Variants in PIAS1 observed in about 807,000 individuals in gnomAD.
The protein encoded by PIAS1 is protein inhibitor of activated STAT 1.
A neutral mutation model predicts 71.3 loss-of-function variants in PIAS1; 6 were observed. That is an observed-to-expected ratio of 0.08 (90% confidence interval 0.05 to 0.17). PIAS1 has a LOEUF of 0.17. Ranked by LOEUF, PIAS1 falls within the 10% of genes least tolerant of loss-of-function variation. PIAS1 has a pLI of 1.00. For missense variants in PIAS1, 555 were observed against 793.6 expected (o/e 0.70, Z 3.61); for synonymous variants, 303 against 292.9 (o/e 1.03, Z -0.35).
chr15:68,071,426 A>C (rs1305721366), intron 1 of PIAS1, among the ~76,000 whole-genome samples: 1 of 150,670 alleles, frequency 6.6e-6, no homozygotes, highest in Non-Finnish European at 1.5e-5. Context: ...CATGTTGGCC[A>C]GGCTGGTCTT....
chr15:68,102,377 T>C (rs563957750), intron 2 of PIAS1, among the ~76,000 whole-genome samples: 1 of 152,362 alleles, frequency 6.6e-6, no homozygotes, highest in South Asian at 2.1e-4. Context: ...ATGTAATAAG[T>C]CATAAAATTA....
intron 2 of PIAS1, among the ~76,000 whole-genome samples, chr15:68,106,826 A>G (rs926268873): frequency 4.6e-5 from 7 of 152,222 alleles, no homozygotes; most frequent in Admixed American, 2.6e-4. Context: ...ATCGATTACA[A>G]TAGTGTTCCA....
intron 2 of PIAS1, among the ~76,000 whole-genome samples, chr15:68,106,351 C>CAAA (rs11313083): frequency 8.6e-5 from 8 of 92,856 alleles, no homozygotes; most frequent in East Asian, 3.3e-4. Flanking sequence ...ATGACCTTTG[C>CAAA]AAAAAAAAAA....
Position 68,173,728 on chromosome 15 carries a change from A to G in PIAS1, c.1009-4A>G. The G allele has an allele frequency of 6.6e-7, 1 of 1,516,642 alleles. No individual in the cohort carries two copies. The allele number at this position is 1,516,642 out of a possible 1,614,324, so 93.9% of individuals were successfully genotyped here. ...TAATATTTACTTTTTCTCCCTTTTT[A>G]AAGCTTGGTAAAATGCGGCTGACAA... On this transcript the variant is annotated splice_region_variant and splice_polypyrimidine_tract_variant and intron_variant, in intron 8 of 13. Coordinates refer to ENST00000249636, the MANE Select transcript of PIAS1 (RefSeq NM_016166.3). The surrounding 1 kb of genome is among the most constrained non-coding windows in gnomAD (Gnocchi z 4.3).
At chr15:68,146,977 A>G (rs527359170) in intron 6 of PIAS1, among the ~76,000 whole-genome samples, 3 of 152,302 alleles carry the variant, frequency 2.0e-5, no homozygotes, top group South Asian at 4.1e-4. Context: ...TCATATTCCA[A>G]TATGAGTATG....
chr15:68,082,511 CAA>C (rs2092238518), intron 1 of PIAS1, among the ~76,000 whole-genome samples: 1 of 151,932 alleles, frequency 6.6e-6, no homozygotes, highest in Non-Finnish European at 1.5e-5. Context: ...GAAACCTAAG[CAA>C]ATGGAAAAAT....
rs900385545 is a variant in PIAS1 at position 68,100,300 on chromosome 15, A to G, written c.469+13550A>G. On this transcript the variant is annotated intron_variant, in intron 2 of 13. Transcript: ENST00000249636. ...TTCAGATTTTATTAGTTGTATTTGCAGTCATGTGTATTTGTAGCTCTGTGC... is the reference window on the plus strand; with the variant it reads ...TTCAGATTTTATTAGTTGTATTTGCGGTCATGTGTATTTGTAGCTCTGTGC... 2.0e-5 allele frequency among the ~76,000 whole-genome samples: 3 copies of G among 152,194 alleles called. 1 individual carries two copies. The highest frequency in any genetic ancestry group is 7.2e-5 in the African/African-American group (3 of 41,444).
chr15:68,077,224 A>G (rs1426418406), intron 1 of PIAS1, among the ~76,000 whole-genome samples: 2 of 152,220 alleles, frequency 1.3e-5, no homozygotes, highest in Non-Finnish European at 2.9e-5. Context: ...AAACAAACCT[A>G]AAACGTGAAT....
intron 2 of PIAS1, among the ~76,000 whole-genome samples, chr15:68,106,328 G>T (rs2092468429): frequency 7.7e-6 from 1 of 129,954 alleles, no homozygotes; most frequent in Non-Finnish European, 1.5e-5. Context: ...CTGTCTCTGT[G>T]CTCATGATGA....
intron 2 of PIAS1, among the ~76,000 whole-genome samples, chr15:68,141,337 C>T (rs1172237791): frequency 2.0e-5 from 3 of 152,146 alleles, no homozygotes; most frequent in East Asian, 3.9e-4. Context: ...CTTCCCCTCC[C>T]TTCCTTCCTT....
chr15:68,058,983 CCT>C lies in PIAS1; in HGVS notation c.24+4634_24+4635del, dbSNP rs1307647714. Reference sequence around the variant, plus strand: ...TACATTGTGTTTTATTAAACTAGTCCCTGTCAGATTATTCTACTTTTTTTTTT... The same window carrying C: ...TACATTGTGTTTTATTAAACTAGTCCGTCAGATTATTCTACTTTTTTTTTT... On this transcript the variant is annotated intron_variant, in intron 1 of 13. Transcript: ENST00000249636. 7.9e-5 allele frequency among the ~76,000 whole-genome samples: 12 copies of C among 151,032 alleles called. No homozygotes were observed. The South Asian group carries it at 2.5e-3, about 32-fold the overall frequency.
At chr15:68,072,274 C>T (rs573236796) in intron 1 of PIAS1, among the ~76,000 whole-genome samples, 1 of 150,982 alleles carries the variant, frequency 6.6e-6, no homozygotes, top group South Asian at 2.1e-4. Context: ...GTGGCGGGCA[C>T]CTGTAGTCCC....
intron 2 of PIAS1, among the ~76,000 whole-genome samples, chr15:68,122,322 G>A (rs1208038476): frequency 6.6e-6 from 1 of 152,126 alleles, no homozygotes; most frequent in Non-Finnish European, 1.5e-5. Context: ...ACAGTCGCAG[G>A]TAACATAGCG....
intron 3 of PIAS1, 40 bp from the exon 4 acceptor site, chr15:68,142,250 A>G (rs761331542): frequency 5.2e-6 from 8 of 1,530,618 alleles, no homozygotes; most frequent in African/African-American, 1.4e-5. Context: ...TCATGCAAAT[A>G]CTTTAAAAGT....
At chr15:68,071,709 A>G (rs772811947) in intron 1 of PIAS1, among the ~76,000 whole-genome samples, 19 of 151,224 alleles carry the variant, frequency 1.3e-4, no homozygotes, top group Non-Finnish European at 2.4e-4. Context: ...TCACACCTGT[A>G]ATCCCAGCAC....
intron 6 of PIAS1, among the ~76,000 whole-genome samples, chr15:68,151,703 C>CAA (rs2092846487): frequency 9.7e-6 from 1 of 102,822 alleles, no homozygotes; most frequent in African/African-American, 3.8e-5. Flanking sequence ...CACACACACA[C>CAA]ACACAAATTA....
At chr15:68,107,168 G>C (rs1411042971) in intron 2 of PIAS1, among the ~76,000 whole-genome samples, 1 of 152,088 alleles carries the variant, frequency 6.6e-6, no homozygotes, top group East Asian at 1.9e-4. Context: ...TTTTAACTTA[G>C]GGATGAGAGT....
intron 7 of PIAS1, among the ~76,000 whole-genome samples, chr15:68,156,506 A>G (rs2092890335): frequency 6.8e-6 from 1 of 147,224 alleles, no homozygotes; most frequent in African/African-American, 2.5e-5. Context: ...TCAGGAGTTC[A>G]GACCAGCCTG....
intron 8 of PIAS1, among the ~76,000 whole-genome samples, chr15:68,168,780 C>G (rs1270524638): frequency 6.6e-6 from 1 of 152,172 alleles, no homozygotes; most frequent in Non-Finnish European, 1.5e-5. Flanking sequence ...CGAGCTTTTG[C>G]TTTCACATAC....
Sources: gnomAD v4.1 joint callset for allele counts (sites outside exome capture counted in the v4.1 genomes callset) on GRCh38, gnomAD v4.1.1 for gene constraint, Gnocchi (gnomAD v3.1) non-coding constraint, MANE v1.5 for transcripts, NCBI Gene and HGNC (gene_info 2026-07-23, HGNC 2026-07-21) for gene names.